The following PRKCH variants were observed in gnomAD, a reference collection of about 807,000 sequenced individuals.
The protein encoded by PRKCH is protein kinase C eta type.
Under a neutral mutation model 82.5 loss-of-function variants are expected in PRKCH, and 28 were observed. That is an observed-to-expected ratio of 0.34 (90% CI 0.25 to 0.47). The LOEUF is 0.47. PRKCH is among the 20% of genes least tolerant of loss of function. The probability of loss-of-function intolerance (pLI) is 1.00; values close to 1 mark genes in which losing one functional copy is unlikely to be tolerated. For missense variants in PRKCH, 705 were observed against 881.8 expected (o/e 0.80, Z 2.54); for synonymous variants, 322 against 327.4 (o/e 0.98, Z 0.18).
intron 9 of PRKCH, among the ~76,000 whole-genome samples, chr14:61,467,014 C>T (rs898176182): frequency 2.0e-5 from 3 of 152,188 alleles, no homozygotes; most frequent in African/African-American, 4.8e-5. Flanking sequence ...AGTGTACCTG[C>T]AGCTTGAGTG....
chr14:61,265,732 A>T (rs115349806), intron 1 of PRKCH, among the ~76,000 whole-genome samples: 2 of 152,066 alleles, frequency 1.3e-5, no homozygotes, highest in Admixed American at 6.6e-5. Flanking sequence ...TTGCTACATT[A>T]GTGTACAGTG....
At chr14:61,518,607 G>A (rs2042860200) in intron 10 of PRKCH, among the ~76,000 whole-genome samples, 1 of 152,016 alleles carries the variant, frequency 6.6e-6, no homozygotes, top group South Asian at 2.1e-4. Context: ...GGTTTTTTGG[G>A]TATTTTTTTC....
intron 1 of PRKCH, among the ~76,000 whole-genome samples, chr14:61,330,478 C>T (rs916952679): frequency 4.6e-5 from 7 of 152,230 alleles, no homozygotes; most frequent in African/African-American, 1.7e-4. Context: ...TCCACAAAGG[C>T]AGAAAGTAGG....
chr14:61,382,260 T>C (rs1224218597), intron 1 of PRKCH, among the ~76,000 whole-genome samples: 2 of 152,026 alleles, frequency 1.3e-5, no homozygotes, highest in African/African-American at 2.4e-5. Flanking sequence ...ATGAGACCTA[T>C]CTCTACAAAA....
chr14:61,327,328 T>C (rs887272809), intron 1 of PRKCH: 2 of 334,622 alleles, frequency 6.0e-6, no homozygotes, highest in Middle Eastern at 1.0e-3. Context: ...AGTGGTTCAT[T>C]CTCTTTTGTA....
chr14:61,321,390 G>A (rs1313798159), upstream of PRKCH, among the ~76,000 whole-genome samples: 1 of 152,196 alleles, frequency 6.6e-6, no homozygotes, highest in Non-Finnish European at 1.5e-5. This position sits in a 1 kb window ranked among gnomAD's most constrained non-coding sequence, Gnocchi z 4.1. Context: ...TTTGGCCTGC[G>A]CCCGGGGTGG....
At chr14:61,389,970 A>T (rs2046650744) in intron 1 of PRKCH, among the ~76,000 whole-genome samples, 1 of 152,204 alleles carries the variant, frequency 6.6e-6, no homozygotes, top group Non-Finnish European at 1.5e-5. Context: ...TCCTCTTCAG[A>T]TGAAAGGTCA....
At chr14:61,250,403 G>A (rs74879584) in intron 1 of PRKCH, among the ~76,000 whole-genome samples, 2,411 of 152,048 alleles carry the variant, frequency 0.016, 76 homozygotes, top group African/African-American at 0.055. Flanking sequence ...TATTATCTAG[G>A]AATTAAAAAG....
chr14:61,547,419 C>T (rs1302873691), intron 12 of PRKCH, among the ~76,000 whole-genome samples: 1 of 152,138 alleles, frequency 6.6e-6, no homozygotes, highest in Non-Finnish European at 1.5e-5. Context: ...TGGGGAAAGG[C>T]ACACTGTTAT....
intron 10 of PRKCH, among the ~76,000 whole-genome samples, chr14:61,514,096 C>T (rs2042786680): frequency 6.6e-6 from 1 of 152,018 alleles, no homozygotes; most frequent in African/African-American, 2.4e-5. Flanking sequence ...TCACCCACGC[C>T]TACTGCCTCT....
chr14:61,258,469 G>T (rs2045018290), intron 1 of PRKCH, among the ~76,000 whole-genome samples: 1 of 152,080 alleles, frequency 6.6e-6, no homozygotes, highest in East Asian at 1.9e-4. Context: ...ATGATGTAGG[G>T]TATAATAGTA....
At chr14:61,329,436 A>T (rs1257035584) in intron 1 of PRKCH, among the ~76,000 whole-genome samples, 1 of 151,826 alleles carries the variant, frequency 6.6e-6, no homozygotes, top group African/African-American at 2.4e-5. Flanking sequence ...GGGTTTTGCC[A>T]TGTTGGCCAG....
At chr14:61,372,121 G>A (rs1322661125) in intron 1 of PRKCH, among the ~76,000 whole-genome samples, 1 of 151,812 alleles carries the variant, frequency 6.6e-6, no homozygotes, top group African/African-American at 2.4e-5. Flanking sequence ...ATTCTTTCTG[G>A]CACTAAAAGA....
At chr14:61,307,202 C>T (rs956757988) in intron 1 of PRKCH, 1 of 152,078 alleles carries the variant, frequency 6.6e-6, no homozygotes. Flanking sequence ...AGTTCAAAAC[C>T]AGCCTGGAAA....
chr14:61,310,862 C>A (rs554831394), intron 1 of PRKCH, among the ~76,000 whole-genome samples: 1 of 152,276 alleles, frequency 6.6e-6, no homozygotes, highest in African/African-American at 2.4e-5. Flanking sequence ...GGTTCTCCAA[C>A]CTCAATTATT....
At chr14:61,198,602 CTA>C (rs915913897) in intron 1 of PRKCH, among the ~76,000 whole-genome samples, 39 of 152,292 alleles carry the variant, frequency 2.6e-4, no homozygotes, top group African/African-American at 8.7e-4. Context: ...TGGGCAGAAA[CTA>C]TGTCTCTATA....
intron 1 of PRKCH, among the ~76,000 whole-genome samples, chr14:61,202,898 A>G (rs186359735): frequency 9.3e-4 from 141 of 152,208 alleles, no homozygotes; most frequent in Non-Finnish European, 1.7e-3. Context: ...TTCATGGCTT[A>G]CACCAGGTTT....
intron 13 of PRKCH, among the ~76,000 whole-genome samples, chr14:61,548,835 C>T (rs1324294104): frequency 7.3e-6 from 1 of 137,848 alleles, no homozygotes; most frequent in Admixed American, 7.8e-5. Context: ...GCGCTCCAGC[C>T]TGGGCAACTG....
At chr14:61,419,077 G>A (rs531954114) in intron 2 of PRKCH, among the ~76,000 whole-genome samples, 63 of 152,298 alleles carry the variant, frequency 4.1e-4, no homozygotes, top group African/African-American at 1.3e-3. Context: ...CAGGGCCCTT[G>A]ATTCCCTCCC....
Sources: allele counts gnomAD v4.1 joint callset (sites outside exome capture counted in the v4.1 genomes callset), GRCh38; gene constraint gnomAD v4.1.1; non-coding constraint Gnocchi (gnomAD v3.1); transcripts MANE v1.5; gene names NCBI Gene and HGNC (gene_info 2026-07-23, HGNC 2026-07-21).